Variants in CERS6 observed in about 807,000 individuals in gnomAD.
The protein encoded by CERS6 is ceramide synthase 6.
CERS6 carries 26 observed loss-of-function variants against 56.8 expected under a neutral mutation model. That is an observed-to-expected ratio of 0.46 (90% CI 0.34 to 0.63). The LOEUF (loss-of-function observed/expected upper bound fraction) is 0.63, where lower values mean the gene tolerates loss of function less well. Ranked by LOEUF, CERS6 falls within the 30% of genes least tolerant of loss-of-function variation. The probability of loss-of-function intolerance (pLI) is 0.01; values close to 1 mark genes in which losing one functional copy is unlikely to be tolerated. For synonymous variants in CERS6, 164 were observed against 173.3 expected (o/e 0.95, Z 0.42); for missense variants, 415 against 467.5 (o/e 0.89, Z 1.04).
rs993104890 is a variant in CERS6 at position 168,771,363 on chromosome 2, T to C, written c.*1701T>C. On this transcript the variant is annotated 3_prime_UTR_variant, in exon 10 of 10. Coordinates refer to ENST00000305747, the MANE Select transcript of CERS6 (RefSeq NM_203463.3). ...TATCTTGCCCTACTTATTTACAAAA[T>C]AATATGTTTCTGTTATGGTCCTTAG... is the stretch of plus-strand genomic sequence containing the variant. 2.6e-5 allele frequency: 4 copies of C among 152,208 alleles called. No individual in the cohort carries two copies. Among genetic ancestry groups the C allele is most frequent in the African/African-American group, 9.7e-5 (4 of 41,450 alleles). The allele number at this position is 152,208 out of a possible 1,614,324, so 9.4% of individuals were successfully genotyped here.
intron 4 of CERS6, among the ~76,000 whole-genome samples, chr2:168,658,523 T>C (rs1039482154): frequency 6.6e-6 from 1 of 152,132 alleles, no homozygotes; most frequent in Non-Finnish European, 1.5e-5. Flanking sequence ...GGCATGGGAG[T>C]CTGCACCTAG....
chr2:168,628,612 T>C (rs542704116), intron 3 of CERS6, among the ~76,000 whole-genome samples: 1 of 152,258 alleles, frequency 6.6e-6, no homozygotes, highest in East Asian at 1.9e-4. Flanking sequence ...CACTAAGATA[T>C]GGGGTGGGAG....
At chr2:168,639,697 A>C (rs1684942476) in intron 4 of CERS6, among the ~76,000 whole-genome samples, 1 of 151,970 alleles carries the variant, frequency 6.6e-6, no homozygotes, top group Non-Finnish European at 1.5e-5. Context: ...GGTGCTTAGG[A>C]CAAGTACTTG....
intron 5 of CERS6, 144 bp downstream of exon 5, chr2:168,691,228 TA>T: frequency 4.3e-6 from 3 of 697,126 alleles, no homozygotes; most frequent in South Asian, 1.7e-5. Flanking sequence ...GGACATAATC[TA>T]GTGAGGATAG....
At chr2:168,518,230 G>GT (rs1694917949) in intron 1 of CERS6, among the ~76,000 whole-genome samples, 2 of 152,114 alleles carry the variant, frequency 1.3e-5, no homozygotes, top group Non-Finnish European at 2.9e-5. Context: ...ATTATAAACT[G>GT]TTTTTTGGTT....
Position 168,717,875 on chromosome 2 carries a change from G to C in CERS6, c.742G>C (p.Ala248Pro), listed in dbSNP as rs751648205. Residue 248 changes from alanine to proline, a missense_variant, in exon 8 of 10, where the codon GCC becomes CCC. Transcript: ENST00000305747. ...ATCACATTCCTTTCTTTCATAGGCT[G>C]CCAAAATGGCAAATTATGCCAAGTT... ...HDSADALLEAAKMANYAKFQK... is the reference protein window; with the variant it reads ...HDSADALLEAPKMANYAKFQK... 5.0e-6 allele frequency: 8 copies of C among 1,612,028 alleles called. No homozygotes were observed. Among genetic ancestry groups the C allele is most frequent in the Non-Finnish European group, 6.8e-6 (8 of 1,178,830 alleles).
chr2:168,607,267 A>G (rs1684074117), intron 3 of CERS6, among the ~76,000 whole-genome samples: 1 of 152,210 alleles, frequency 6.6e-6, no homozygotes, highest in Non-Finnish European at 1.5e-5. Flanking sequence ...CCCTTGGTAT[A>G]GGGAATAATG....
intron 1 of CERS6, among the ~76,000 whole-genome samples, chr2:168,480,314 G>T (rs1558965444): frequency 6.6e-6 from 1 of 152,208 alleles, no homozygotes; most frequent in Non-Finnish European, 1.5e-5. Context: ...ATGGAGAGGA[G>T]AAATGGCAGA....
chr2:168,477,203 GAGAGAGA>G (rs1694092201), intron 1 of CERS6, among the ~76,000 whole-genome samples: 1 of 144,414 alleles, frequency 6.9e-6, no homozygotes, highest in African/African-American at 2.5e-5. Flanking sequence ...GAGAGAGAGA[GAGAGAGA>G]GAGAGAGAGT....
chr2:168,610,905 T>G (rs1311439718), intron 3 of CERS6, among the ~76,000 whole-genome samples: 1 of 152,150 alleles, frequency 6.6e-6, no homozygotes, highest in Non-Finnish European at 1.5e-5. Flanking sequence ...CCTCCCAGAT[T>G]CAAGCAATTC....
chr2:168,624,452 A>G (rs763617419), intron 3 of CERS6, among the ~76,000 whole-genome samples: 7 of 152,180 alleles, frequency 4.6e-5, no homozygotes, highest in African/African-American at 9.6e-5. Flanking sequence ...ATCTTATAGT[A>G]CGATGGGAAT....
rs181296302 is a variant in CERS6, at chr2:168,769,451, A to G, written c.1003-59A>G. 301 of 1,444,842 alleles carry G rather than the reference A, an allele frequency of 2.1e-4. 1 individual carries two copies. The African/African-American group carries it at 3.9e-3, about 19-fold the overall frequency. The allele number at this position is 1,444,842 out of a possible 1,614,324, so 89.5% of individuals were successfully genotyped here. A position where few individuals can be genotyped will look rare whatever the true frequency, so the allele number is the denominator to read the frequency against. On this transcript the variant is annotated intron_variant, in intron 9 of 9. Transcript: ENST00000305747. Reference sequence around the variant, plus strand: ...GTGTATGACTGCATGTGCTTCTAGCATGCCATACCTTGATGATTTCTTAGG... The same window carrying G: ...GTGTATGACTGCATGTGCTTCTAGCGTGCCATACCTTGATGATTTCTTAGG...
At chr2:168,762,536 A>G (rs751137149) in intron 8 of CERS6, among the ~76,000 whole-genome samples, 3 of 152,222 alleles carry the variant, frequency 2.0e-5, no homozygotes, top group Non-Finnish European at 4.4e-5. Flanking sequence ...AACATTACCA[A>G]ATGTCTTTGA....
chr2:168,688,584 A>C (rs1686417166), intron 4 of CERS6, among the ~76,000 whole-genome samples: 1 of 152,192 alleles, frequency 6.6e-6, no homozygotes, highest in South Asian at 2.1e-4. Context: ...TGGGGGGTAT[A>C]ACTTAATTTA....
intron 8 of CERS6, among the ~76,000 whole-genome samples, chr2:168,761,501 T>C (rs995778584): frequency 6.6e-6 from 1 of 152,214 alleles, no homozygotes; most frequent in African/African-American, 2.4e-5. Context: ...ACAGAACCTC[T>C]TTCTGTTCAA....
At chr2:168,760,568 C>T (rs573997690) in intron 8 of CERS6, among the ~76,000 whole-genome samples, 1 of 152,236 alleles carries the variant, frequency 6.6e-6, no homozygotes, top group East Asian at 1.9e-4. Context: ...CTGTCCTGAA[C>T]TCTGTCACCA....
At chr2:168,601,902 A>G (rs1683942320) in intron 3 of CERS6, among the ~76,000 whole-genome samples, 1 of 152,198 alleles carries the variant, frequency 6.6e-6, no homozygotes, top group South Asian at 2.1e-4. Flanking sequence ...CATAGATCTT[A>G]TATTTGCATG....
In CERS6 at chr2:168,520,598, C is replaced by CTTTTTTTTTTTTTTTT. The variant is rs150724635; in HGVS notation, c.171-26984_171-26969dup. Reference sequence around the variant, plus strand: ...TTAACTCTTTAACATTTACAATATCCTTTTTTTTTTTTTTTTTTTTTTTTT... The same window carrying CTTTTTTTTTTTTTTTT: ...TTAACTCTTTAACATTTACAATATCCTTTTTTTTTTTTTTTTTTTTTTTTTTTTTTTTTTTTTTTTT... On this transcript the variant is annotated intron_variant, in intron 1 of 9. Coordinates refer to ENST00000305747, the MANE Select transcript of CERS6 (RefSeq NM_203463.3). Among the ~76,000 whole-genome samples the CTTTTTTTTTTTTTTTT allele has an allele frequency of 7.0e-3, 405 of 57,916 alleles. 61 individuals are homozygous for CTTTTTTTTTTTTTTTT. Among genetic ancestry groups the CTTTTTTTTTTTTTTTT allele is most frequent in the Middle Eastern group, 0.019 (1 of 54 alleles). 38.0% of individuals were successfully genotyped at this position (57,916 alleles called of 152,430 possible). A position where few individuals can be genotyped will look rare whatever the true frequency, so the allele number is the denominator to read the frequency against.
At chr2:168,604,579 G>A (rs980405045) in intron 3 of CERS6, among the ~76,000 whole-genome samples, 2 of 152,154 alleles carry the variant, frequency 1.3e-5, no homozygotes, top group Admixed American at 6.5e-5. Flanking sequence ...GGAGGTGACC[G>A]AATCCTGGGG....
Sources: allele counts gnomAD v4.1 joint callset (sites outside exome capture counted in the v4.1 genomes callset), GRCh38; gene constraint gnomAD v4.1.1; transcripts MANE v1.5; gene names NCBI Gene and HGNC (gene_info 2026-07-23, HGNC 2026-07-21).